AOPEP: variants seen among roughly 807,000 people sequenced by gnomAD.
AOPEP encodes aminopeptidase O (putative).
In AOPEP, 77 loss-of-function variants were observed where a neutral mutation model predicts 98.1. The observed-to-expected ratio is 0.78, with a 90% CI of 0.65 to 0.95. AOPEP has a LOEUF of 0.95. AOPEP is among the 40% of genes least tolerant of loss of function. The pLI, the probability that AOPEP is intolerant of heterozygous loss-of-function variation, is 0.00. For synonymous variants in AOPEP, 346 were observed against 365.3 expected, an observed-to-expected ratio of 0.95 and a Z score of 0.60; for missense variants, 1,024 against 1,024.7, an observed-to-expected ratio of 1.00 and a Z score of 0.01.
chr9:94,792,374 C>T (rs1363318514), intron 3 of AOPEP, among the ~76,000 whole-genome samples: 3 of 152,180 alleles, frequency 2.0e-5, no homozygotes, highest in Non-Finnish European at 4.4e-5. Context: ...CACTCTTTCA[C>T]TCATTCAACA....
intron 5 of AOPEP, among the ~76,000 whole-genome samples, chr9:94,853,991 G>A (rs575157176): frequency 2.6e-5 from 4 of 152,314 alleles, no homozygotes; most frequent in South Asian, 2.1e-4. Flanking sequence ...AAAGGGAATT[G>A]CCTGATGAGT....
At chr9:94,770,977 C>T (rs1011278709) in intron 2 of AOPEP, among the ~76,000 whole-genome samples, 3 of 152,202 alleles carry the variant, frequency 2.0e-5, no homozygotes, top group Non-Finnish European at 4.4e-5. Context: ...TTCTTCAGCA[C>T]ATCACTTACT....
chr9:94,773,555 A>G (rs1006514899), intron 3 of AOPEP, among the ~76,000 whole-genome samples: 2 of 152,182 alleles, frequency 1.3e-5, no homozygotes, highest in Non-Finnish European at 2.9e-5. Context: ...CATTATGTTA[A>G]GAGATAGTGC....
At chr9:94,960,350 G>T in intron 9 of AOPEP, among the ~76,000 whole-genome samples, 1 of 151,590 alleles carries the variant, frequency 6.6e-6, no homozygotes. Context: ...GGCGGGGGTT[G>T]CAGTGAGGCG....
chr9:95,078,298 C>T (rs573482774), intron 14 of AOPEP, among the ~76,000 whole-genome samples: 77 of 152,228 alleles, frequency 5.1e-4, no homozygotes, highest in African/African-American at 1.8e-3. Flanking sequence ...GGAAATAAGC[C>T]CCAGTTTATG....
intron 5 of AOPEP, among the ~76,000 whole-genome samples, chr9:94,853,871 G>A (rs1420308390): frequency 6.6e-6 from 1 of 152,208 alleles, no homozygotes; most frequent in Non-Finnish European, 1.5e-5. Flanking sequence ...GCATGGAGAA[G>A]CAGTTACTCT....
Position 95,005,562 on chromosome 9 carries a change from G to T in AOPEP, c.2061G>T (p.Val687=), listed in dbSNP as rs146920018. The change falls in exon 13 of 17, where the codon GTG becomes GTT. Residue 687 remains valine (V), a synonymous_variant. Coordinates refer to ENST00000375315, the MANE Select transcript of AOPEP (RefSeq NM_001193329.3). ...CTCAGGTCACGAAATGGATTGGAGT[G>T]AACCGGAGACCCCGAAAACGGAAGC... ...VRAEVTKWIG[V]NRRPRKRKRR... 17 of 1,613,964 alleles carry T rather than the reference G, an allele frequency of 1.1e-5. 1 individual carries two copies. The South Asian group carries it at 1.4e-4, about 14-fold the overall frequency.
intron 15 of AOPEP, 26 bp from the exon 16 acceptor site, chr9:95,082,549 T>C: frequency 1.9e-6 from 3 of 1,611,978 alleles, no homozygotes; most frequent in Non-Finnish European, 2.5e-6. Flanking sequence ...CTTCGCCTGA[T>C]GCCCTTTGGC....
chr9:95,132,461 T>C, the AOPEP span, among the ~76,000 whole-genome samples: 4 of 152,222 alleles, frequency 2.6e-5, no homozygotes, highest in African/African-American at 4.8e-5. Context: ...CTATGGATTA[T>C]GGTCTTCCCG....
intron 4 of AOPEP, among the ~76,000 whole-genome samples, chr9:94,793,202 TAAAAATACA>T: frequency 6.8e-6 from 1 of 146,934 alleles, no homozygotes; most frequent in South Asian, 2.2e-4. Flanking sequence ...CCGTCTCTAC[TAAAAATACA>T]AAAAAATTAG....
intron 13 of AOPEP, among the ~76,000 whole-genome samples, chr9:95,028,718 T>G (rs1192078423): frequency 6.6e-6 from 1 of 152,236 alleles, no homozygotes; most frequent in Admixed American, 6.5e-5. Flanking sequence ...GTGGGGATTC[T>G]CCAGGCAGCC....
At chr9:94,953,746 C>T (rs1336439139) in intron 7 of AOPEP, among the ~76,000 whole-genome samples, 1 of 152,146 alleles carries the variant, frequency 6.6e-6, no homozygotes, top group African/African-American at 2.4e-5. Context: ...TGCACCAACC[C>T]TCTCGTGGTT....
At chr9:94,907,657 G>C (rs1224249335) in intron 5 of AOPEP, among the ~76,000 whole-genome samples, 2 of 152,084 alleles carry the variant, frequency 1.3e-5, no homozygotes, top group East Asian at 1.9e-4. Context: ...CTCCAGCCTC[G>C]GGGTATCAAC....
chr9:94,995,757 TA>T (rs1427776287), intron 11 of AOPEP, among the ~76,000 whole-genome samples: 8 of 152,170 alleles, frequency 5.3e-5, no homozygotes, highest in African/African-American at 1.9e-4. Flanking sequence ...ATACCTAATA[TA>T]AATCTGAATA....
At chr9:95,065,060 C>T (rs2067738669) in intron 14 of AOPEP, among the ~76,000 whole-genome samples, 1 of 152,176 alleles carries the variant, frequency 6.6e-6, no homozygotes, top group Admixed American at 6.5e-5. Context: ...TTTTTCTTCC[C>T]TGGTTGCTTT....
chr9:94,754,049 GAC>G (rs1414154085), intron 1 of AOPEP, among the ~76,000 whole-genome samples: 3 of 152,292 alleles, frequency 2.0e-5, no homozygotes, highest in East Asian at 3.9e-4. Context: ...AGTTAAAAGA[GAC>G]AGATTTATAT....
intron 7 of AOPEP, chr9:94,933,677 T>A: frequency 1.0e-6 from 1 of 985,334 alleles, no homozygotes. Context: ...GCCACAAGTG[T>A]TGTGAATTTG....
chr9:95,109,015 T>C, the AOPEP span, among the ~76,000 whole-genome samples: 1 of 152,058 alleles, frequency 6.6e-6, no homozygotes, highest in Non-Finnish European at 1.5e-5. Flanking sequence ...AAGCGATCCT[T>C]CCATCTATCT....
intron 5 of AOPEP, among the ~76,000 whole-genome samples, chr9:94,888,624 G>A (rs945724034): frequency 6.6e-6 from 1 of 152,096 alleles, no homozygotes; most frequent in Non-Finnish European, 1.5e-5. Flanking sequence ...ACACAAGGGT[G>A]GAGTGAAACT....
Sources: gnomAD v4.1 joint callset for allele counts (sites outside exome capture counted in the v4.1 genomes callset) on GRCh38, gnomAD v4.1.1 for gene constraint, MANE v1.5 for transcripts, NCBI Gene and HGNC (gene_info 2026-07-23, HGNC 2026-07-21) for gene names.